RUNDC3B: variants seen among roughly 807,000 people sequenced by gnomAD.
RUNDC3B encodes the protein RUN domain-containing protein 3B.
Under a neutral mutation model 58.4 loss-of-function variants are expected in RUNDC3B, and 33 were observed. That is an observed-to-expected ratio of 0.56 (90% CI 0.43 to 0.75). The LOEUF is 0.75. Ranked by LOEUF, RUNDC3B falls within the 30% of genes least tolerant of loss-of-function variation. The probability of loss-of-function intolerance (pLI) is 0.00; values close to 1 mark genes in which losing one functional copy is unlikely to be tolerated. For missense variants in RUNDC3B, 501 were observed against 535.7 expected (o/e 0.94, Z 0.64); for synonymous variants, 193 against 195.2 (o/e 0.99, Z 0.10).
At chr7:87,778,737 AAAGCAGTATAAT>A (rs1225174606) in intron 8 of RUNDC3B, among the ~76,000 whole-genome samples, 1 of 152,106 alleles carries the variant, frequency 6.6e-6, no homozygotes, top group East Asian at 1.9e-4. Flanking sequence ...TTTGATGAAG[AAAGCAGTATAAT>A]AAGCTACTTT....
chr7:87,804,001 G>A (rs573346026), intron 8 of RUNDC3B, among the ~76,000 whole-genome samples: 13 of 152,110 alleles, frequency 8.5e-5, no homozygotes, highest in South Asian at 4.1e-4. Flanking sequence ...CAAAGCTACC[G>A]TTCCCAAGTA....
intron 2 of RUNDC3B, among the ~76,000 whole-genome samples, chr7:87,692,458 TAAAC>T (rs770322337): frequency 3.9e-5 from 6 of 152,180 alleles, no homozygotes; most frequent in Admixed American, 2.0e-4. Context: ...ACCTGTCTCT[TAAAC>T]AATCAAACAC....
intron 2 of RUNDC3B, among the ~76,000 whole-genome samples, chr7:87,669,048 A>G (rs1269910975): frequency 6.6e-6 from 1 of 152,000 alleles, no homozygotes; most frequent in Admixed American, 6.6e-5. Flanking sequence ...GTCTGCCTCA[A>G]TGATCTGTTT....
intron 2 of RUNDC3B, among the ~76,000 whole-genome samples, chr7:87,665,841 C>T (rs1278267441): frequency 2.6e-5 from 4 of 152,046 alleles, no homozygotes; most frequent in African/African-American, 9.7e-5. Flanking sequence ...TGATCTCCAG[C>T]TTGATCCATG....
rs1255966759 is a variant in RUNDC3B, at chr7:87,628,612, TG to T, written c.-211del. Reference sequence around the variant, plus strand: ...GTGTGTGTGTGTGTGTGTGTGTGTGTGTGTGTGTGTGTGGAGCTCGGGTGCC... The same window carrying T: ...GTGTGTGTGTGTGTGTGTGTGTGTGTTGTGTGTGTGTGGAGCTCGGGTGCC... On this transcript the variant is annotated 5_prime_UTR_variant, in exon 1 of 11. Transcript: ENST00000394654. 482 of 365,232 alleles carry T rather than the reference TG, an allele frequency of 1.3e-3. No individual in the cohort carries two copies. The highest frequency in any genetic ancestry group is 9.5e-3 in the African/African-American group (452 of 47,544). The allele number at this position is 365,232 out of a possible 1,614,324, so 22.6% of individuals were successfully genotyped here. A position where few individuals can be genotyped will look rare whatever the true frequency, so the allele number is the denominator to read the frequency against.
At chr7:87,773,953 T>C (rs1030699612) in intron 7 of RUNDC3B, among the ~76,000 whole-genome samples, 1 of 152,018 alleles carries the variant, frequency 6.6e-6, no homozygotes, top group African/African-American at 2.4e-5. Flanking sequence ...GCTGGTATTA[T>C]AGGCATGAGC....
intron 6 of RUNDC3B, among the ~76,000 whole-genome samples, chr7:87,750,588 G>A (rs1832915705): frequency 6.6e-6 from 1 of 152,158 alleles, no homozygotes. Context: ...GTGTCAGATG[G>A]TATCTCATTG....
intron 10 of RUNDC3B, among the ~76,000 whole-genome samples, chr7:87,827,382 G>C (rs1837873795): frequency 6.6e-6 from 1 of 152,134 alleles, no homozygotes; most frequent in Admixed American, 6.5e-5. Flanking sequence ...AACTACTGGG[G>C]AGGCTGAGGC....
At chr7:87,722,115 G>T (rs1007860236) in intron 4 of RUNDC3B, among the ~76,000 whole-genome samples, 1 of 151,010 alleles carries the variant, frequency 6.6e-6, no homozygotes, top group African/African-American at 2.4e-5. Context: ...ATTAGTAATT[G>T]TACTTGATGT....
chr7:87,745,002 T>G (rs1246459190), intron 6 of RUNDC3B, among the ~76,000 whole-genome samples: 1 of 152,204 alleles, frequency 6.6e-6, no homozygotes, highest in Non-Finnish European at 1.5e-5. Flanking sequence ...TATGCCGATT[T>G]TGCTGACATT....
intron 6 of RUNDC3B, among the ~76,000 whole-genome samples, chr7:87,751,644 T>C (rs1418208382): frequency 6.6e-6 from 1 of 152,098 alleles, no homozygotes; most frequent in African/African-American, 2.4e-5. Context: ...TTGAAGCAAT[T>C]GTGAATGGGA....
chr7:87,788,638 T>C (rs1413601244), intron 8 of RUNDC3B, among the ~76,000 whole-genome samples: 1 of 151,694 alleles, frequency 6.6e-6, no homozygotes, highest in African/African-American at 2.4e-5. Context: ...AATTGTACTT[T>C]GGATCAGTAT....
At chr7:87,773,738 C>T (rs1158660590) in intron 7 of RUNDC3B, among the ~76,000 whole-genome samples, 1 of 151,734 alleles carries the variant, frequency 6.6e-6, no homozygotes, top group South Asian at 2.1e-4. Context: ...AGTGCAGTGG[C>T]GCGATCTTGG....
intron 2 of RUNDC3B, among the ~76,000 whole-genome samples, chr7:87,664,569 T>A (rs1362852154): frequency 6.6e-6 from 1 of 151,992 alleles, no homozygotes. Flanking sequence ...AAATAAAATC[T>A]TCAGGAAGAA....
At chr7:87,744,065 G>A (rs891310573) in intron 6 of RUNDC3B, among the ~76,000 whole-genome samples, 2 of 152,092 alleles carry the variant, frequency 1.3e-5, no homozygotes, top group African/African-American at 2.4e-5. Context: ...TTGTTGAAAA[G>A]GGTGTCCTTT....
chr7:87,633,864 GT>G (rs1384354876), intron 1 of RUNDC3B, among the ~76,000 whole-genome samples: 1 of 152,070 alleles, frequency 6.6e-6, no homozygotes, highest in Admixed American at 6.5e-5. Flanking sequence ...CCTGTTTTGT[GT>G]TGCTATAAAG....
intron 1 of RUNDC3B, among the ~76,000 whole-genome samples, chr7:87,646,267 G>A (rs575376508): frequency 6.6e-6 from 1 of 152,174 alleles, no homozygotes; most frequent in African/African-American, 2.4e-5. Flanking sequence ...GAAAATATAT[G>A]CACTAATAGC....
chr7:87,805,361 C>T (rs1270234601), intron 8 of RUNDC3B, among the ~76,000 whole-genome samples: 2 of 152,162 alleles, frequency 1.3e-5, no homozygotes, highest in South Asian at 2.1e-4. Flanking sequence ...AGTGGCAGAG[C>T]AAGTGCCAGG....
chr7:87,797,680 T>A (rs573288138), intron 8 of RUNDC3B, among the ~76,000 whole-genome samples: 107 of 152,300 alleles, frequency 7.0e-4, no homozygotes, highest in Non-Finnish European at 1.0e-3. Context: ...CAGTTAGGGT[T>A]TTTTGGTGGT....
Sources: allele counts gnomAD v4.1 joint callset (sites outside exome capture counted in the v4.1 genomes callset), GRCh38; gene constraint gnomAD v4.1.1; transcripts MANE v1.5; gene names NCBI Gene and HGNC (gene_info 2026-07-23, HGNC 2026-07-21).